The following ARHGEF28 variants were observed in gnomAD, a reference collection of about 807,000 sequenced individuals.
The protein encoded by ARHGEF28 is Rho guanine nucleotide exchange factor 28, also known as 190 kDa guanine nucleotide exchange factor.
A neutral mutation model predicts 206.6 loss-of-function variants in ARHGEF28; 152 were observed. The observed-to-expected ratio is 0.74, with a 90% CI of 0.64 to 0.84. ARHGEF28 has a LOEUF of 0.84. Among genes scored for constraint, ARHGEF28 ranks in the 40% least tolerant of loss-of-function variants. The pLI, the probability that ARHGEF28 is intolerant of heterozygous loss-of-function variation, is 0.00. For missense variants in ARHGEF28, 2,028 were observed against 2,073.2 expected (o/e 0.98, Z 0.42); for synonymous variants, 763 against 776.4 (o/e 0.98, Z 0.29).
At chr5:73,921,286 A>G (rs1167085022) in intron 35 of ARHGEF28, among the ~76,000 whole-genome samples, 1 of 152,206 alleles carries the variant, frequency 6.6e-6, no homozygotes, top group African/African-American at 2.4e-5. Flanking sequence ...ACTGAAACAT[A>G]CTTGTGTTCT....
intron 1 of ARHGEF28, among the ~76,000 whole-genome samples, chr5:73,676,069 C>CTT (rs70973270): frequency 1.7e-3 from 198 of 115,110 alleles, no homozygotes; most frequent in African/African-American, 4.7e-3. Flanking sequence ...ATTTTCTTTT[C>CTT]TTTTTTTTTT....
At chr5:73,712,106 T>G (rs1293131421) in intron 2 of ARHGEF28, among the ~76,000 whole-genome samples, 2 of 152,186 alleles carry the variant, frequency 1.3e-5, no homozygotes, top group African/African-American at 4.8e-5. Flanking sequence ...AATATTTGAA[T>G]ATTGAACGAG....
chr5:73,772,415 G>C (rs1283267901), intron 4 of ARHGEF28, among the ~76,000 whole-genome samples: 1 of 152,166 alleles, frequency 6.6e-6, no homozygotes, highest in Non-Finnish European at 1.5e-5. Context: ...GCCTCACTTT[G>C]TGGCCCAGGT....
chr5:73,696,192 T>C (rs1361606099), intron 2 of ARHGEF28, among the ~76,000 whole-genome samples: 1 of 152,206 alleles, frequency 6.6e-6, no homozygotes, highest in East Asian at 1.9e-4. Context: ...TGACCCTTTA[T>C]AGGAGCATTC....
chr5:73,670,842 C>A (rs1310562792), intron 1 of ARHGEF28, among the ~76,000 whole-genome samples: 1 of 152,018 alleles, frequency 6.6e-6, no homozygotes, highest in Non-Finnish European at 1.5e-5. Flanking sequence ...CTTGAGAGTT[C>A]TTTATATATT....
chr5:73,869,156 A>G (rs2112635323), intron 20 of ARHGEF28, among the ~76,000 whole-genome samples: 1 of 137,348 alleles, frequency 7.3e-6, no homozygotes, highest in South Asian at 2.3e-4. Context: ...TTTGAGCTGG[A>G]ACCTCTCTAA....
intron 13 of ARHGEF28, 125 bp downstream of exon 13, chr5:73,849,212 G>A: frequency 1.4e-6 from 1 of 704,102 alleles, no homozygotes; most frequent in Non-Finnish European, 2.3e-6. Context: ...TTCATAACTG[G>A]TTTTTCTAAG....
intron 1 of ARHGEF28, among the ~76,000 whole-genome samples, chr5:73,631,534 C>T (rs1436637760): frequency 1.3e-5 from 2 of 152,172 alleles, no homozygotes; most frequent in Admixed American, 6.5e-5. Flanking sequence ...CTCAAGTGGA[C>T]CTGGCATCAT....
chr5:73,741,506 GC>G (rs1751433138), intron 2 of ARHGEF28, among the ~76,000 whole-genome samples: 1 of 147,312 alleles, frequency 6.8e-6, no homozygotes, highest in Admixed American at 6.9e-5. Context: ...TGCAACCTCT[GC>G]CTCCTGGATT....
intron 9 of ARHGEF28, among the ~76,000 whole-genome samples, chr5:73,828,916 G>A (rs574167633): frequency 6.6e-6 from 1 of 151,920 alleles, no homozygotes; most frequent in Non-Finnish European, 1.5e-5. Context: ...CACCTCCCAG[G>A]CTCAAGCAAT....
intron 22 of ARHGEF28, among the ~76,000 whole-genome samples, chr5:73,877,691 T>C (rs1443894856): frequency 1.3e-5 from 2 of 151,110 alleles, no homozygotes; most frequent in Admixed American, 6.6e-5. Flanking sequence ...CCAGTAGTCA[T>C]TCAGGAGCAG....
chr5:73,779,532 C>T (rs552611337), intron 6 of ARHGEF28, among the ~76,000 whole-genome samples: 2 of 152,178 alleles, frequency 1.3e-5, no homozygotes, highest in East Asian at 1.9e-4. Context: ...ATAGCCTTGG[C>T]GACTCTCACT....
chr5:73,765,423 T>C (rs1474268392), intron 4 of ARHGEF28, among the ~76,000 whole-genome samples: 1 of 152,236 alleles, frequency 6.6e-6, no homozygotes, highest in Non-Finnish European at 1.5e-5. Context: ...CGGCTCCCAG[T>C]CAGCCAGCCA....
intron 21 of ARHGEF28, among the ~76,000 whole-genome samples, 181 bp from the exon 22 acceptor site, chr5:73,872,818 G>T (rs886165603): frequency 6.6e-6 from 1 of 152,092 alleles, no homozygotes; most frequent in African/African-American, 2.4e-5. Context: ...AAAGAAAATG[G>T]TTTAATATTT....
At chr5:73,688,615 A>T (rs1747614728) in intron 2 of ARHGEF28, among the ~76,000 whole-genome samples, 1 of 152,002 alleles carries the variant, frequency 6.6e-6, no homozygotes, top group Non-Finnish European at 1.5e-5. Context: ...ATATCCAAAG[A>T]TTGGATTGTT....
intron 31 of ARHGEF28, chr5:73,903,052 CCT>C (rs1762360960): frequency 1.3e-5 from 2 of 152,194 alleles, no homozygotes; most frequent in Non-Finnish European, 2.9e-5. Flanking sequence ...CCATTTTCAG[CCT>C]CTGTCTTTTC....
At chr5:73,668,718 G>T (rs1420428946) in intron 1 of ARHGEF28, among the ~76,000 whole-genome samples, 1 of 68,732 alleles carries the variant, frequency 1.5e-5, no homozygotes, top group Non-Finnish European at 3.0e-5. Context: ...AGGTGGTGTT[G>T]TCTCTGAGTA....
chr5:73,911,269 A>G lies in ARHGEF28; in HGVS notation c.4648-6A>G. 6.4e-7 allele frequency: 1 copy of G among 1,571,692 alleles called. No individual in the cohort carries two copies. ...TATTGTACTTTTCCTCTGTTTCTTT[A>G]CACAGGTAATGGAACTTAATCGATC... On this transcript the variant is annotated splice_polypyrimidine_tract_variant and splice_region_variant and intron_variant, in intron 34 of 35. Coordinates refer to ENST00000513042, the MANE Select transcript of ARHGEF28 (RefSeq NM_001177693.2).
intron 35 of ARHGEF28, among the ~76,000 whole-genome samples, chr5:73,938,072 A>C (rs572130260): frequency 1.3e-5 from 2 of 151,952 alleles, no homozygotes; most frequent in Non-Finnish European, 2.9e-5. Flanking sequence ...TGTTCACCTT[A>C]GGGCACAACA....
Sources: gnomAD v4.1 joint callset for allele counts (sites outside exome capture counted in the v4.1 genomes callset) on GRCh38, gnomAD v4.1.1 for gene constraint, MANE v1.5 for transcripts, NCBI Gene and HGNC (gene_info 2026-07-23, HGNC 2026-07-21) for gene names.